TNIK: variants seen among roughly 807,000 people sequenced by gnomAD.
TNIK encodes TRAF2 and NCK-interacting protein kinase.
In TNIK, 49 loss-of-function variants were observed where a neutral mutation model predicts 191.3. The ratio of observed to expected loss-of-function variants is 0.26; its 90% CI spans 0.20 to 0.32. The LOEUF (loss-of-function observed/expected upper bound fraction) is 0.32, where lower values mean the gene tolerates loss of function less well. Among genes scored for constraint, TNIK ranks in the 10% least tolerant of loss-of-function variants. TNIK has a pLI of 1.00. For synonymous variants in TNIK, 594 were observed against 600.9 expected (o/e 0.99, Z 0.17); for missense variants, 1,155 against 1,702.3 (o/e 0.68, Z 5.66).
At chr3:171,218,609 C>T (rs918756862) in intron 3 of TNIK, among the ~76,000 whole-genome samples, 1 of 149,228 alleles carries the variant, frequency 6.7e-6, no homozygotes, top group African/African-American at 2.5e-5. Flanking sequence ...GGAAAAATAA[C>T]TAGCAAGTTC....
chr3:171,101,668 T>G (rs778846991), intron 21 of TNIK, 35 bp from the exon 22 acceptor site: 1 of 1,600,142 alleles, frequency 6.2e-7, no homozygotes, highest in African/African-American at 1.4e-5. Flanking sequence ...ATATGAGTGG[T>G]AGATACGACC....
rs968704578 is a variant in TNIK, at chr3:171,309,955, C to T, written c.123+59665G>A. Among the ~76,000 whole-genome samples, 11 of 152,286 alleles carry T rather than the reference C, an allele frequency of 7.2e-5. 1 individual carries two copies. Among genetic ancestry groups the T allele is most frequent in the Middle Eastern group, 3.4e-3 (1 of 294 alleles). On this transcript the variant is annotated intron_variant, in intron 2 of 32. Coordinates refer to ENST00000436636, the MANE Select transcript of TNIK (RefSeq NM_015028.4). ...ATTCACCATCTGCTATTCTTCCTCTCTGCTTTTGCAAAGAAATCCTTTTTC... is the reference window on the plus strand; with the variant it reads ...ATTCACCATCTGCTATTCTTCCTCTTTGCTTTTGCAAAGAAATCCTTTTTC...
At chr3:171,151,186 TTA>T in intron 12 of TNIK, among the ~76,000 whole-genome samples, 1 of 152,308 alleles carries the variant, frequency 6.6e-6, no homozygotes, top group East Asian at 1.9e-4. Context: ...ACAGCTAAGA[TTA>T]AACCTTGGCC....
At chr3:171,210,837 G>A (rs1577131085) in intron 4 of TNIK, among the ~76,000 whole-genome samples, 1 of 136,354 alleles carries the variant, frequency 7.3e-6, no homozygotes. Flanking sequence ...CACAATAAAA[G>A]GTTGTCAATT....
chr3:171,186,956 C>T (rs1329971663), intron 7 of TNIK, among the ~76,000 whole-genome samples: 3 of 152,184 alleles, frequency 2.0e-5, no homozygotes. Flanking sequence ...AAAGCCTCTT[C>T]TAGATACCCT....
At chr3:171,434,798 C>T (rs1304945314) in intron 1 of TNIK, among the ~76,000 whole-genome samples, 3 of 152,024 alleles carry the variant, frequency 2.0e-5, no homozygotes, top group Admixed American at 2.0e-4. Flanking sequence ...TATGTCTTGC[C>T]TTTATTCAAT....
intron 2 of TNIK, among the ~76,000 whole-genome samples, chr3:171,360,979 G>A (rs1249166775): frequency 1.3e-5 from 2 of 152,188 alleles, no homozygotes; most frequent in East Asian, 3.8e-4. Context: ...TGATGGCAAT[G>A]CCAGGCAGTT....
At chr3:171,163,021 C>A (rs1281366379) in intron 10 of TNIK, among the ~76,000 whole-genome samples, 3 of 152,172 alleles carry the variant, frequency 2.0e-5, no homozygotes, top group Non-Finnish European at 4.4e-5. Context: ...CTTCTCCAGG[C>A]AGTTAGCAGC....
At chr3:171,240,665 C>T (rs1033496804) in intron 2 of TNIK, among the ~76,000 whole-genome samples, 2 of 152,140 alleles carry the variant, frequency 1.3e-5, no homozygotes, top group Admixed American at 6.5e-5. Context: ...CTTGAATGCT[C>T]GCTGCCTTCA....
intron 4 of TNIK, among the ~76,000 whole-genome samples, chr3:171,196,361 T>G (rs1738669572): frequency 6.6e-6 from 1 of 152,140 alleles, no homozygotes; most frequent in Non-Finnish European, 1.5e-5. Flanking sequence ...AATAAAAAAG[T>G]AAATAGAATT....
chr3:171,093,442 A>G (rs1235767037), intron 23 of TNIK, among the ~76,000 whole-genome samples: 1 of 152,172 alleles, frequency 6.6e-6, no homozygotes. Flanking sequence ...AGCATTTTTT[A>G]TACGAAATCC....
intron 2 of TNIK, among the ~76,000 whole-genome samples, chr3:171,273,534 A>T (rs1749377701): frequency 6.6e-6 from 1 of 152,100 alleles, no homozygotes; most frequent in African/African-American, 2.4e-5. Flanking sequence ...ATGATCTCTC[A>T]CTTGGTTTCC....
chr3:171,329,880 C>T (rs981306673), intron 2 of TNIK, among the ~76,000 whole-genome samples: 4 of 152,074 alleles, frequency 2.6e-5, no homozygotes, highest in African/African-American at 9.7e-5. Flanking sequence ...TTGAGGGATG[C>T]GAAAACAGAT....
chr3:171,286,946 T>C lies in TNIK; in HGVS notation c.124-58725A>G, dbSNP rs1162922068. Among the ~76,000 whole-genome samples, 6 of 152,374 alleles carry C rather than the reference T, an allele frequency of 3.9e-5. No individual in the cohort carries two copies. In the East Asian group the frequency reaches 1.2e-3, roughly 29 times the overall value. The stretch of plus-strand genomic sequence containing the variant: ...GCTAGAATTTTACTTTTTGTATTCA[T>C]ATCTGTTTTTATGGCGTACTGTTGG... On this transcript the variant is annotated intron_variant, in intron 2 of 32. Transcript: ENST00000436636.
At chr3:171,447,405 T>C (rs1284915705) in intron 1 of TNIK, among the ~76,000 whole-genome samples, 3 of 152,150 alleles carry the variant, frequency 2.0e-5, no homozygotes, top group African/African-American at 4.8e-5. Context: ...AACACCACTA[T>C]GCTCATGAAA....
chr3:171,065,482 A>T (rs1576879120), intron 32 of TNIK, among the ~76,000 whole-genome samples: 2 of 152,360 alleles, frequency 1.3e-5, no homozygotes, highest in South Asian at 4.1e-4. Flanking sequence ...TATGTTGGCC[A>T]CAGCCACAAA....
chr3:171,091,722 G>A (rs762641032), intron 23 of TNIK, among the ~76,000 whole-genome samples: 7 of 151,668 alleles, frequency 4.6e-5, no homozygotes, highest in Admixed American at 2.6e-4. Context: ...GTGACAGAGC[G>A]AGACTCCATC....
At chr3:171,278,693 TG>T (rs1227388244) in intron 2 of TNIK, among the ~76,000 whole-genome samples, 4 of 152,070 alleles carry the variant, frequency 2.6e-5, no homozygotes, top group Non-Finnish European at 4.4e-5. Context: ...TGACAAGGGG[TG>T]ACTTTGCCTA....
chr3:171,278,052 G>A (rs114444277), intron 2 of TNIK, among the ~76,000 whole-genome samples: 2,889 of 152,252 alleles, frequency 0.019, 97 homozygotes, highest in African/African-American at 0.067. Flanking sequence ...AACAAAACAG[G>A]TTCTAAGTTG....
Sources: allele counts gnomAD v4.1 joint callset (sites outside exome capture counted in the v4.1 genomes callset), GRCh38; gene constraint gnomAD v4.1.1; transcripts MANE v1.5; gene names NCBI Gene and HGNC (gene_info 2026-07-23, HGNC 2026-07-21).